The following NRCAM variants were observed in gnomAD, a reference collection of about 807,000 sequenced individuals.
NRCAM encodes the protein neuronal cell adhesion molecule.
NRCAM carries 83 observed loss-of-function variants against 156.5 expected under a neutral mutation model. The observed-to-expected ratio is 0.53, with a 90% CI of 0.44 to 0.64. The LOEUF is 0.64. Ranked by LOEUF, NRCAM falls within the 30% of genes least tolerant of loss-of-function variation. NRCAM has a pLI of 0.00. For missense variants in NRCAM, 1,417 were observed against 1,597.3 expected, an observed-to-expected ratio of 0.89 and a Z score of 1.92; for synonymous variants, 538 against 563.9, an observed-to-expected ratio of 0.95 and a Z score of 0.65.
At chr7:108,218,039 C>A (rs1224316194) in intron 11 of NRCAM, among the ~76,000 whole-genome samples, 1 of 152,158 alleles carries the variant, frequency 6.6e-6, no homozygotes, top group African/African-American at 2.4e-5. Context: ...AACCCAGTGC[C>A]CTGGTGGTGT....
At chr7:108,168,227 A>T in intron 29 of NRCAM, 50 bp downstream of exon 29, 3 of 1,457,892 alleles carry the variant, frequency 2.1e-6, no homozygotes, top group Non-Finnish European at 2.7e-6. Context: ...TTAATCTTTT[A>T]AAAAATGCAT....
At chr7:108,447,264 T>C (rs1202442947) in intron 1 of NRCAM, among the ~76,000 whole-genome samples, 2 of 122,312 alleles carry the variant, frequency 1.6e-5, no homozygotes, top group African/African-American at 6.3e-5. Flanking sequence ...TCTTTCTTTT[T>C]TTTTTTTTTT....
intron 2 of NRCAM, among the ~76,000 whole-genome samples, chr7:108,396,802 G>T (rs955194032): frequency 3.3e-5 from 5 of 152,136 alleles, no homozygotes; most frequent in Non-Finnish European, 7.4e-5. Flanking sequence ...AGTCACTGAT[G>T]TCTTTTTTAA....
At chr7:108,287,834 A>C (rs2154111583) in intron 3 of NRCAM, among the ~76,000 whole-genome samples, 1 of 152,256 alleles carries the variant, frequency 6.6e-6, no homozygotes, top group East Asian at 1.9e-4. Flanking sequence ...CTAAAAATAG[A>C]ACTACCTCTT....
intron 3 of NRCAM, among the ~76,000 whole-genome samples, chr7:108,299,357 G>C (rs1325545430): frequency 6.6e-6 from 1 of 151,844 alleles, no homozygotes; most frequent in Non-Finnish European, 1.5e-5. Flanking sequence ...TGAGGAAAAG[G>C]TATAAAAAGT....
chr7:108,311,728 C>A (rs1295850455), intron 3 of NRCAM, among the ~76,000 whole-genome samples: 1 of 152,186 alleles, frequency 6.6e-6, no homozygotes, highest in African/African-American at 2.4e-5. Flanking sequence ...AGGCATGAAT[C>A]ATTTCCTTTC....
chr7:108,321,431 CT>C (rs917213076), intron 2 of NRCAM, among the ~76,000 whole-genome samples: 2 of 152,134 alleles, frequency 1.3e-5, no homozygotes, highest in Non-Finnish European at 2.9e-5. Flanking sequence ...GTCTCAGACT[CT>C]TTTAAACAAT....
chr7:108,277,418 G>A (rs1028789497), intron 3 of NRCAM, among the ~76,000 whole-genome samples: 8 of 152,152 alleles, frequency 5.3e-5, no homozygotes, highest in African/African-American at 7.2e-5. Context: ...ATATTTCTTG[G>A]AGGCTTTGTT....
intron 2 of NRCAM, among the ~76,000 whole-genome samples, chr7:108,395,789 A>G (rs1474578630): frequency 1.3e-5 from 2 of 152,168 alleles, no homozygotes; most frequent in Non-Finnish European, 2.9e-5. Context: ...TTGGAATCCA[A>G]GCAGAAAGCA....
At chr7:108,258,736 G>A (rs1428180845) in intron 3 of NRCAM, among the ~76,000 whole-genome samples, 2 of 152,152 alleles carry the variant, frequency 1.3e-5, no homozygotes, top group Non-Finnish European at 2.9e-5. Context: ...TAGCGATGTG[G>A]CAGGAGCTTA....
chr7:108,161,015 A>T (rs1300504270), intron 30 of NRCAM, among the ~76,000 whole-genome samples: 3 of 152,238 alleles, frequency 2.0e-5, no homozygotes, highest in African/African-American at 4.8e-5. Context: ...TCCACACAAG[A>T]AACCTTTCCA....
chr7:108,217,151 A>G (rs1256901014), intron 11 of NRCAM, among the ~76,000 whole-genome samples: 1 of 151,950 alleles, frequency 6.6e-6, no homozygotes, highest in Non-Finnish European at 1.5e-5. Flanking sequence ...TCTGTTTGTT[A>G]GTTTTTGTTC....
intron 20 of NRCAM, among the ~76,000 whole-genome samples, chr7:108,188,655 C>CA (rs1341589337): frequency 1.3e-5 from 2 of 149,678 alleles, no homozygotes; most frequent in Non-Finnish European, 3.0e-5. Flanking sequence ...AAAGAGTCTC[C>CA]AAGCCATCTA....
intron 13 of NRCAM, among the ~76,000 whole-genome samples, chr7:108,199,976 T>C (rs917699556): frequency 1.3e-5 from 2 of 152,206 alleles, no homozygotes; most frequent in African/African-American, 2.4e-5. Context: ...AATAAGTTTT[T>C]AGCATCCAAG....
chr7:108,404,768 G>A (rs2099802645), intron 1 of NRCAM, among the ~76,000 whole-genome samples: 1 of 152,220 alleles, frequency 6.6e-6, no homozygotes, highest in African/African-American at 2.4e-5. Flanking sequence ...GTCCAAGGTT[G>A]TACAGCTAGT....
In NRCAM at chr7:108,180,315, G is replaced by A; in HGVS notation, c.2759C>T (p.Pro920Leu). The A allele has an allele frequency of 6.2e-7, 1 of 1,614,148 alleles. No homozygotes were observed. Among genetic ancestry groups the A allele is most frequent in the African/African-American group, 1.3e-5 (1 of 75,048 alleles). The stretch of plus-strand genomic sequence containing the variant: ...GACATTCAGTGTGTAGTGGCTAAAG[G>A]GCTCTAGCCCCGGCAACATGCCATG... ...KTHGMLPGLEPFSHYTLNVRV... is the reference protein window; with the variant it reads ...KTHGMLPGLELFSHYTLNVRV... Residue 920 changes from proline (P) to leucine (L), a missense_variant, in exon 25 of 33, where the codon CCC becomes CTC. By Grantham distance (98) the Pro-to-Leu change is moderately conservative. Coordinates refer to ENST00000379028, the MANE Select transcript of NRCAM (RefSeq NM_001037132.4).
intron 2 of NRCAM, among the ~76,000 whole-genome samples, chr7:108,389,753 T>A (rs922740991): frequency 6.6e-6 from 1 of 152,102 alleles, no homozygotes; most frequent in Non-Finnish European, 1.5e-5. Context: ...TTATTGAGAG[T>A]TTTTGGCATG....
chr7:108,270,585 T>TAG (rs1038754304), intron 3 of NRCAM, among the ~76,000 whole-genome samples: 1 of 152,164 alleles, frequency 6.6e-6, no homozygotes, highest in Non-Finnish European at 1.5e-5. Flanking sequence ...GGTCTACACT[T>TAG]ACGTCCATAG....
intron 2 of NRCAM, among the ~76,000 whole-genome samples, chr7:108,325,348 A>T (rs1245358970): frequency 6.6e-6 from 1 of 152,188 alleles, no homozygotes; most frequent in Non-Finnish European, 1.5e-5. Context: ...ACTCTAATTA[A>T]GGGATTATTA....
Sources: allele counts gnomAD v4.1 joint callset (sites outside exome capture counted in the v4.1 genomes callset), GRCh38; gene constraint gnomAD v4.1.1; transcripts MANE v1.5; gene names NCBI Gene and HGNC (gene_info 2026-07-23, HGNC 2026-07-21).